Variants in DOCK9 observed in about 807,000 individuals in gnomAD.
DOCK9 encodes dedicator of cytokinesis protein 9.
Under a neutral mutation model 263.3 loss-of-function variants are expected in DOCK9, and 89 were observed. The ratio of observed to expected loss-of-function variants is 0.34; its 90% CI spans 0.28 to 0.40. The LOEUF (loss-of-function observed/expected upper bound fraction) is 0.40, where lower values mean the gene tolerates loss of function less well. Ranked by LOEUF, DOCK9 falls within the 10% of genes least tolerant of loss-of-function variation. DOCK9 has a pLI of 1.00. For synonymous variants in DOCK9, 976 were observed against 973.1 expected (o/e 1.00, Z -0.06); for missense variants, 2,140 against 2,603.4 (o/e 0.82, Z 3.87).
chr13:98,812,933 C>T (rs948883070), intron 45 of DOCK9, among the ~76,000 whole-genome samples: 1 of 152,114 alleles, frequency 6.6e-6, no homozygotes, highest in African/African-American at 2.4e-5. Context: ...TTGTAAATAG[C>T]ACTGTTTTAA....
At position 98,829,747 on chromosome 13, in the gene DOCK9, A is replaced by T; in HGVS notation, c.4645T>A (p.Ser1549Thr). 1 of 1,605,444 alleles carries T rather than the reference A, an allele frequency of 6.2e-7. No individual in the cohort carries two copies. The highest frequency in any genetic ancestry group is 8.5e-7 in the Non-Finnish European group (1 of 1,175,720). Residue 1549 changes from serine (S) to threonine (T), a missense_variant, in exon 42 of 53, where the codon TCT (serine) becomes ACT (threonine). Ser to Thr is a moderately conservative substitution (Grantham distance 58). Coordinates refer to ENST00000682017, the MANE Select transcript of DOCK9 (RefSeq NM_001366683.2). This position sits in a 1 kb window ranked among gnomAD's most constrained non-coding sequence, Gnocchi z 4.1. ...ACGTCTGCTATCAGCTGGCTGACAG[A>T]TATGATGACCTTAGGGACACACAAA... is the stretch of plus-strand genomic sequence containing the variant. ...FVRTHLQVIISVSQLIADVVG... is the reference protein window; with the variant it reads ...FVRTHLQVIITVSQLIADVVG...
At chr13:99,022,979 G>T (rs903635150) in intron 1 of DOCK9, among the ~76,000 whole-genome samples, 1 of 152,138 alleles carries the variant, frequency 6.6e-6, no homozygotes, top group African/African-American at 2.4e-5. Flanking sequence ...CTTCAAAAGG[G>T]AGAAACATTT....
intron 1 of DOCK9, among the ~76,000 whole-genome samples, chr13:99,017,058 G>A (rs1885507781): frequency 6.6e-6 from 1 of 152,174 alleles, no homozygotes; most frequent in Admixed American, 6.5e-5. Context: ...GTATTTTTAT[G>A]CAAAGTGTGT....
At chr13:99,029,362 A>G (rs2142053509) in intron 1 of DOCK9, among the ~76,000 whole-genome samples, 1 of 152,248 alleles carries the variant, frequency 6.6e-6, no homozygotes. Context: ...CCTCTACAAT[A>G]TCTTAGTATT....
chr13:98,948,833 G>A (rs1046933826), intron 2 of DOCK9, among the ~76,000 whole-genome samples: 1 of 146,776 alleles, frequency 6.8e-6, no homozygotes, highest in African/African-American at 2.6e-5. Flanking sequence ...CTTATCCACT[G>A]AGCATAACCT....
In DOCK9 at chr13:98,925,860, T is replaced by C. The variant is rs771337949; in HGVS notation, c.393A>G (p.Ser131=). ...ACTTCGGAAGCTGTCGAAACTCTCCTGAGTAATCTTCATATTTATAGTTCA... is the reference window on the plus strand; with the variant it reads ...ACTTCGGAAGCTGTCGAAACTCTCCCGAGTAATCTTCATATTTATAGTTCA... ...HLVNYKYEDY[S]GEFRQLPNKV... Residue 131 remains serine (S), a synonymous_variant, in exon 4 of 53, where the codon TCA becomes TCG. Coordinates refer to ENST00000682017, the MANE Select transcript of DOCK9 (RefSeq NM_001366683.2). 24 of 1,578,812 alleles carry C rather than the reference T, an allele frequency of 1.5e-5. No homozygotes were observed. Among genetic ancestry groups the C allele is most frequent in the Non-Finnish European group, 2.0e-5 (23 of 1,161,272 alleles).
rs1471104099 is a variant in DOCK9 at position 99,086,274 on chromosome 13, C to T, written c.78G>A (p.Ala26=). The change falls in exon 1 of 33, where the codon GCG becomes GCA. Residue 26 remains alanine (A), a synonymous_variant. Coordinates refer to the DOCK9 transcript ENST00000427887. ...CAGACACGCTCTGCCGCAGCTCGGCCGCCGTGCCCGGCTTACTCAGCGCCC... is the reference window on the plus strand; with the variant it reads ...CAGACACGCTCTGCCGCAGCTCGGCTGCCGTGCCCGGCTTACTCAGCGCCC... The T allele has an allele frequency of 2.7e-6, 4 of 1,497,350 alleles. No individual in the cohort carries two copies. In the African/African-American group the frequency reaches 4.4e-5, roughly 16 times the overall value. The allele number at this position is 1,497,350 out of a possible 1,614,324, so 92.8% of individuals were successfully genotyped here.
chr13:99,013,730 G>A (rs1286375105), intron 1 of DOCK9, among the ~76,000 whole-genome samples: 2 of 152,130 alleles, frequency 1.3e-5, no homozygotes, highest in Non-Finnish European at 2.9e-5. Context: ...CAGAGAAACA[G>A]ACACACAGGT....
chr13:98,929,434 T>C (rs2053568917), intron 3 of DOCK9, among the ~76,000 whole-genome samples: 1 of 152,016 alleles, frequency 6.6e-6, no homozygotes, highest in Admixed American at 6.6e-5. Flanking sequence ...TCCCAGCTAC[T>C]TGGGAGGCTG....
chr13:99,063,811 G>A (rs182379774), intron 1 of DOCK9, among the ~76,000 whole-genome samples: 10 of 148,524 alleles, frequency 6.7e-5, no homozygotes, highest in East Asian at 2.0e-4. Context: ...TTCTAAACAC[G>A]AATTCTCAAC....
At chr13:98,876,919 C>G (rs183197568) in intron 27 of DOCK9, among the ~76,000 whole-genome samples, 1 of 152,168 alleles carries the variant, frequency 6.6e-6, no homozygotes, top group Admixed American at 6.5e-5. Flanking sequence ...TAAGCTTTCT[C>G]CTGTGGGATA....
intron 1 of DOCK9, among the ~76,000 whole-genome samples, chr13:99,077,029 G>C (rs1240802428): frequency 1.3e-5 from 2 of 152,132 alleles, no homozygotes; most frequent in South Asian, 2.1e-4. Flanking sequence ...GCAGAAGTGA[G>C]AGCTTTTTAC....
intron 1 of DOCK9, among the ~76,000 whole-genome samples, chr13:99,025,966 T>C (rs552511117): frequency 2.0e-5 from 3 of 151,640 alleles, no homozygotes; most frequent in African/African-American, 2.4e-5. Flanking sequence ...TCCACTGCTA[T>C]GAAATGTCCA....
intron 1 of DOCK9, among the ~76,000 whole-genome samples, chr13:98,958,569 C>G (rs1449689749): frequency 6.6e-6 from 1 of 152,212 alleles, no homozygotes; most frequent in Admixed American, 6.5e-5. Flanking sequence ...CAAAAGCAGC[C>G]ACAGACAATA....
chr13:98,895,697 C>T (rs572794339), intron 15 of DOCK9, among the ~76,000 whole-genome samples: 41 of 152,038 alleles, frequency 2.7e-4, no homozygotes, highest in African/African-American at 7.2e-4. Flanking sequence ...AAAAGTTCAC[C>T]ACGAAGGTTA....
At position 98,848,652 on chromosome 13, in the gene DOCK9, TG is replaced by T; in HGVS notation, c.4014-14del. On this transcript the variant is annotated splice_polypyrimidine_tract_variant and intron_variant, in intron 36 of 52. Coordinates refer to ENST00000682017, the MANE Select transcript of DOCK9 (RefSeq NM_001366683.2). ...GTGCAGGCAGACTCTGCAGGCAAGA[TG>T]AAAAATTATTAGGGAAATGCAAAGA... The T allele has an allele frequency of 6.2e-7, 1 of 1,609,758 alleles. No homozygotes were observed. The highest frequency in any genetic ancestry group is 1.1e-5 in the South Asian group (1 of 89,612).
At chr13:98,807,496 T>G (rs2090863655) in intron 48 of DOCK9, among the ~76,000 whole-genome samples, 165 bp downstream of exon 48, 1 of 152,230 alleles carries the variant, frequency 6.6e-6, no homozygotes, top group Admixed American at 6.5e-5. Flanking sequence ...GTCAAGCATG[T>G]AATGGAAAGC....
intron 1 of DOCK9, among the ~76,000 whole-genome samples, chr13:99,036,109 TAGAA>T (rs1315511995): frequency 6.6e-6 from 1 of 152,192 alleles, no homozygotes; most frequent in Admixed American, 6.5e-5. Flanking sequence ...TTCCTTAAAA[TAGAA>T]AGAAACATAT....
chr13:98,986,809 C>A (rs1878575470), intron 1 of DOCK9, among the ~76,000 whole-genome samples: 1 of 152,100 alleles, frequency 6.6e-6, no homozygotes, highest in Admixed American at 6.5e-5. Context: ...CAAACTTTTC[C>A]CCCTGGGTGC....
Sources: allele counts gnomAD v4.1 joint callset (sites outside exome capture counted in the v4.1 genomes callset), GRCh38; gene constraint gnomAD v4.1.1; non-coding constraint Gnocchi (gnomAD v3.1); transcripts MANE v1.5; gene names NCBI Gene and HGNC (gene_info 2026-07-23, HGNC 2026-07-21).